PLCB1: variants seen among roughly 807,000 people sequenced by gnomAD.
PLCB1 encodes the protein phospholipase C beta 1, also known as 1-phosphatidylinositol 4,5-bisphosphate phosphodiesterase beta-1.
In PLCB1, 46 loss-of-function variants were observed where a neutral mutation model predicts 161.8. That is an observed-to-expected ratio of 0.28 (90% CI 0.22 to 0.36). The LOEUF is 0.36. Among genes scored for constraint, PLCB1 ranks in the 10% least tolerant of loss-of-function variants. The probability of loss-of-function intolerance (pLI) is 1.00; values close to 1 mark genes in which losing one functional copy is unlikely to be tolerated. For missense variants in PLCB1, 1,016 were observed against 1,472.5 expected (o/e 0.69, Z 5.07); for synonymous variants, 517 against 503.7 (o/e 1.03, Z -0.35).
At chr20:8,368,539 A>G (rs1986796955) in intron 2 of PLCB1, among the ~76,000 whole-genome samples, 1 of 151,228 alleles carries the variant, frequency 6.6e-6, no homozygotes, top group African/African-American at 2.4e-5. Context: ...AAAAAAAAAA[A>G]AAAAAAAAAA....
chr20:8,285,880 A>G (rs1313783555), intron 2 of PLCB1, among the ~76,000 whole-genome samples: 1 of 152,322 alleles, frequency 6.6e-6, no homozygotes, highest in East Asian at 1.9e-4. Context: ...GTTTCCCTTC[A>G]AACAATTTCT....
chr20:8,303,398 A>T (rs1983994895), intron 2 of PLCB1, among the ~76,000 whole-genome samples: 1 of 152,206 alleles, frequency 6.6e-6, no homozygotes, highest in Non-Finnish European at 1.5e-5. Flanking sequence ...CACAAAGATG[A>T]ATATAGATTT....
chr20:8,197,844 T>C (rs1470332753), intron 2 of PLCB1, among the ~76,000 whole-genome samples: 2 of 152,168 alleles, frequency 1.3e-5, no homozygotes, highest in Non-Finnish European at 2.9e-5. Context: ...GTTTAAGGTG[T>C]AAGGAAGGGA....
At position 8,561,978 on chromosome 20, in the gene PLCB1, G is replaced by C. The variant is rs538602363; in HGVS notation, c.247-66316G>C. ...CAAAAAACTCCCCTGGCATGAGGTT[G>C]AACAAAGTCTAGTTAAGCTTGCTAT... On this transcript the variant is annotated intron_variant, in intron 3 of 31. Coordinates refer to ENST00000338037, the MANE Select transcript of PLCB1 (RefSeq NM_015192.4). Among the ~76,000 whole-genome samples the C allele has an allele frequency of 1.6e-4, 25 of 152,136 alleles. 1 individual carries two copies. The South Asian group carries it at 5.2e-3, about 31-fold the overall frequency.
At chr20:8,860,072 C>G (rs1987202911) in intron 31 of PLCB1, among the ~76,000 whole-genome samples, 1 of 152,140 alleles carries the variant, frequency 6.6e-6, no homozygotes, top group East Asian at 1.9e-4. Flanking sequence ...ATTCTGACTT[C>G]ATCATTTACC....
At chr20:8,563,014 T>G (rs2123027744) in intron 3 of PLCB1, among the ~76,000 whole-genome samples, 1 of 152,138 alleles carries the variant, frequency 6.6e-6, no homozygotes, top group South Asian at 2.1e-4. Flanking sequence ...GTGAATCCTT[T>G]TGTAGCTTAT....
At chr20:8,799,320 G>A (rs772648878) in intron 31 of PLCB1, among the ~76,000 whole-genome samples, 18 of 152,112 alleles carry the variant, frequency 1.2e-4, no homozygotes, top group African/African-American at 3.4e-4. Context: ...TTTTAACACC[G>A]GGAATAGGAT....
intron 2 of PLCB1, among the ~76,000 whole-genome samples, chr20:8,248,282 C>T (rs1980978135): frequency 1.3e-5 from 2 of 151,854 alleles, no homozygotes; most frequent in African/African-American, 4.8e-5. Flanking sequence ...GGCTATGGGC[C>T]CTCCTGGGTG....
intron 5 of PLCB1, 39 bp from the exon 6 acceptor site, chr20:8,647,861 T>A (rs556258282): frequency 1.9e-5 from 30 of 1,572,098 alleles, no homozygotes; most frequent in Admixed American, 3.4e-5. Flanking sequence ...AAAGCTTTTT[T>A]AAAAAAATCA....
rs75212495 is a variant in PLCB1 at position 8,522,674 on chromosome 20, A to G, written c.247-105620A>G. ...GAATAATTGGAAAACAAGGCATTGA[A>G]TAGTCTTAATTACAATAAGTATACG... On this transcript the variant is annotated intron_variant, in intron 3 of 31. Transcript: ENST00000338037. Among the ~76,000 whole-genome samples, 656 of 152,344 alleles carry G rather than the reference A, an allele frequency of 4.3e-3. 7 individuals carry two copies. The highest frequency in any genetic ancestry group is 0.015 in the African/African-American group (605 of 41,572).
At chr20:8,746,510 T>C (rs573961499) in intron 23 of PLCB1, among the ~76,000 whole-genome samples, 1 of 152,244 alleles carries the variant, frequency 6.6e-6, no homozygotes, top group South Asian at 2.1e-4. Flanking sequence ...TTGAGCCCTT[T>C]ATTTTATTTT....
intron 3 of PLCB1, among the ~76,000 whole-genome samples, chr20:8,476,078 CA>C (rs1982264171): frequency 6.6e-6 from 1 of 152,182 alleles, no homozygotes; most frequent in Non-Finnish European, 1.5e-5. Flanking sequence ...CTATTACAGT[CA>C]TTTCCGGCAC....
intron 3 of PLCB1, among the ~76,000 whole-genome samples, chr20:8,544,109 A>G (rs966416325): frequency 1.3e-5 from 2 of 152,054 alleles, no homozygotes; most frequent in Non-Finnish European, 2.9e-5. Flanking sequence ...CACACCCCAA[A>G]CCTCAGCATC....
At chr20:8,582,327 G>A (rs936899370) in intron 3 of PLCB1, among the ~76,000 whole-genome samples, 1 of 152,096 alleles carries the variant, frequency 6.6e-6, no homozygotes, top group Non-Finnish European at 1.5e-5. Context: ...TGGAATACCT[G>A]GGAGGTAACG....
chr20:8,465,728 C>T (rs1480080484), intron 3 of PLCB1, among the ~76,000 whole-genome samples: 1 of 151,878 alleles, frequency 6.6e-6, no homozygotes. Flanking sequence ...AAAAAATGCT[C>T]ACCATCACTG....
intron 2 of PLCB1, among the ~76,000 whole-genome samples, chr20:8,362,184 CT>C (rs1321432456): frequency 6.6e-5 from 10 of 151,930 alleles, no homozygotes; most frequent in Non-Finnish European, 1.2e-4. Flanking sequence ...AAAACACGTG[CT>C]ATAAAGAGCC....
intron 31 of PLCB1, among the ~76,000 whole-genome samples, chr20:8,856,770 A>G (rs1408334218): frequency 2.0e-5 from 3 of 152,342 alleles, no homozygotes; most frequent in South Asian, 4.1e-4. Context: ...GAGTGCTGGT[A>G]TTGATCTGAG....
At chr20:8,323,936 C>G (rs1985028229) in intron 2 of PLCB1, among the ~76,000 whole-genome samples, 2 of 151,574 alleles carry the variant, frequency 1.3e-5, no homozygotes, top group African/African-American at 4.9e-5. Flanking sequence ...TTTTTATGCT[C>G]TATTCAACTA....
chr20:8,497,564 C>T (rs1470944559), intron 3 of PLCB1, among the ~76,000 whole-genome samples: 1 of 152,078 alleles, frequency 6.6e-6, no homozygotes, highest in Non-Finnish European at 1.5e-5. Context: ...CAGTTACAAG[C>T]TAATTAATTA....
Sources: allele counts gnomAD v4.1 joint callset (sites outside exome capture counted in the v4.1 genomes callset), GRCh38; gene constraint gnomAD v4.1.1; transcripts MANE v1.5; gene names NCBI Gene and HGNC (gene_info 2026-07-23, HGNC 2026-07-21).